NRXN3: variants seen among roughly 807,000 people sequenced by gnomAD.
NRXN3 encodes neurexin III.
A neutral mutation model predicts 137.6 loss-of-function variants in NRXN3; 32 were observed. The observed-to-expected ratio is 0.23, with a 90% CI of 0.18 to 0.31. NRXN3 has a LOEUF of 0.31. Ranked by LOEUF, NRXN3 falls within the 10% of genes least tolerant of loss-of-function variation. NRXN3 has a pLI of 1.00. For synonymous variants in NRXN3, 798 were observed against 784.5 expected, an observed-to-expected ratio of 1.02 and a Z score of -0.29; for missense variants, 1,574 against 2,062.5, an observed-to-expected ratio of 0.76 and a Z score of 4.59.
At chr14:79,841,602 C>A (rs1404677608) in intron 20 of NRXN3, among the ~76,000 whole-genome samples, 1 of 152,210 alleles carries the variant, frequency 6.6e-6, no homozygotes, top group Non-Finnish European at 1.5e-5. Flanking sequence ...GATAACCAAG[C>A]ATGCTTTCAC....
chr14:78,224,828 G>A (rs183023089), intron 1 of NRXN3, among the ~76,000 whole-genome samples: 2,687 of 140,156 alleles, frequency 0.019, 92 homozygotes, highest in African/African-American at 0.067. Context: ...CTGCAGTGGC[G>A]CAATCTCGGC....
chr14:79,821,422 C>T (rs1299606060), intron 20 of NRXN3, among the ~76,000 whole-genome samples: 1 of 152,118 alleles, frequency 6.6e-6, no homozygotes, highest in Non-Finnish European at 1.5e-5. Flanking sequence ...GAGAACATGC[C>T]CTCATTTAAA....
Position 78,609,013 on chromosome 14 carries a change from C to T in NRXN3, c.758-36107C>T, listed in dbSNP as rs576961922. Among the ~76,000 whole-genome samples the T allele has an allele frequency of 3.4e-4, 52 of 152,156 alleles. 1 individual carries two copies. The highest frequency in any genetic ancestry group is 1.1e-3 in the African/African-American group (45 of 41,486). ...GGAAGCTATGGGTGGGTTAATACTA[C>T]GGGCATTAAGTATGCTTTGGGAGGG... On this transcript the variant is annotated intron_variant, in intron 4 of 20. Coordinates refer to ENST00000335750, the MANE Select transcript of NRXN3 (RefSeq NM_001330195.2).
intron 8 of NRXN3, among the ~76,000 whole-genome samples, chr14:78,725,599 T>C (rs1213187325): frequency 6.6e-6 from 1 of 152,240 alleles, no homozygotes; most frequent in Non-Finnish European, 1.5e-5. Flanking sequence ...GTCAAGGCTA[T>C]ATTGAGAGTA....
chr14:79,806,696 TA>T (rs1012591027), intron 20 of NRXN3, among the ~76,000 whole-genome samples: 10 of 150,698 alleles, frequency 6.6e-5, no homozygotes, highest in African/African-American at 2.0e-4. Flanking sequence ...AATATATCTC[TA>T]GATTTGAGTC....
chr14:79,552,821 G>T (rs780308076), intron 16 of NRXN3, among the ~76,000 whole-genome samples: 18 of 152,104 alleles, frequency 1.2e-4, no homozygotes, highest in Non-Finnish European at 2.5e-4. Context: ...AGTCTCTAAG[G>T]TAATGGCCCT....
At chr14:78,626,831 G>C (rs1172993268) in intron 4 of NRXN3, among the ~76,000 whole-genome samples, 2 of 152,214 alleles carry the variant, frequency 1.3e-5, no homozygotes, top group Non-Finnish European at 2.9e-5. Flanking sequence ...TTATCACTTG[G>C]AATGCCCGTC....
intron 10 of NRXN3, among the ~76,000 whole-genome samples, chr14:78,856,264 G>T (rs1005582111): frequency 2.6e-5 from 4 of 152,106 alleles, no homozygotes; most frequent in African/African-American, 9.7e-5. Context: ...AAGAATGGGG[G>T]CTCCTAAAAG....
At chr14:79,034,539 C>T (rs761307577) in intron 15 of NRXN3, among the ~76,000 whole-genome samples, 4 of 152,168 alleles carry the variant, frequency 2.6e-5, no homozygotes, top group African/African-American at 9.6e-5. Context: ...GCCCTTGCTC[C>T]GCACTTGGGA....
chr14:78,238,762 A>G (rs1348727002), intron 1 of NRXN3, among the ~76,000 whole-genome samples: 1 of 152,116 alleles, frequency 6.6e-6, no homozygotes, highest in Non-Finnish European at 1.5e-5. Flanking sequence ...AGCCTTTTTG[A>G]TCCCCCACAA....
At chr14:78,226,002 T>G (rs2064600618) in intron 1 of NRXN3, among the ~76,000 whole-genome samples, 1 of 150,630 alleles carries the variant, frequency 6.6e-6, no homozygotes, top group Non-Finnish European at 1.5e-5. Flanking sequence ...TGTGTGTGTG[T>G]GTGTGTGTGT....
At chr14:78,704,222 C>T (rs956067993) in intron 6 of NRXN3, among the ~76,000 whole-genome samples, 1 of 152,204 alleles carries the variant, frequency 6.6e-6, no homozygotes, top group African/African-American at 2.4e-5. Context: ...AATACTCTCT[C>T]TTTTTCCAAT....
At chr14:79,585,694 C>CAAAAAAAAAAAAAAAAAAAAAAAAAA (rs76676582) in intron 16 of NRXN3, among the ~76,000 whole-genome samples, 1 of 114,340 alleles carries the variant, frequency 8.7e-6, no homozygotes, top group African/African-American at 3.2e-5. Flanking sequence ...AAAAAAAAAA[C>CAAAAAAAAAAAAAAAAAAAAAAAAAA]AAAAAAAAAA....
intron 1 of NRXN3, among the ~76,000 whole-genome samples, chr14:78,183,672 G>A (rs2060000961): frequency 1.3e-5 from 2 of 152,198 alleles, no homozygotes; most frequent in Non-Finnish European, 2.9e-5. Flanking sequence ...TCTATGTTCT[G>A]ACTGAAATCT....
At chr14:78,917,304 C>T (rs1323397890) in intron 10 of NRXN3, among the ~76,000 whole-genome samples, 1 of 152,122 alleles carries the variant, frequency 6.6e-6, no homozygotes, top group Non-Finnish European at 1.5e-5. Context: ...CTGGGGCTTA[C>T]TTCAGGAGGG....
chr14:78,884,969 G>A (rs1258238066), intron 10 of NRXN3, among the ~76,000 whole-genome samples: 2 of 151,904 alleles, frequency 1.3e-5, no homozygotes, highest in African/African-American at 4.8e-5. Flanking sequence ...AGTATATATT[G>A]TCTGCTATTA....
At chr14:79,495,766 G>A (rs1311317651) in intron 16 of NRXN3, among the ~76,000 whole-genome samples, 1 of 151,810 alleles carries the variant, frequency 6.6e-6, no homozygotes, top group African/African-American at 2.4e-5. Flanking sequence ...TTTTATTTAG[G>A]TAATAGTATT....
intron 19 of NRXN3, among the ~76,000 whole-genome samples, chr14:79,762,094 C>G (rs1292678589): frequency 1.3e-5 from 2 of 151,572 alleles, no homozygotes; most frequent in African/African-American, 4.9e-5. Context: ...TAGGGGGAAG[C>G]CTCAAAACTG....
At chr14:78,344,157 C>A (rs1372022661) in intron 4 of NRXN3, among the ~76,000 whole-genome samples, 1 of 152,228 alleles carries the variant, frequency 6.6e-6, no homozygotes, top group African/African-American at 2.4e-5. Context: ...AAGCCCACCT[C>A]TCTACTTCTG....
Sources: gnomAD v4.1 joint callset for allele counts (sites outside exome capture counted in the v4.1 genomes callset) on GRCh38, gnomAD v4.1.1 for gene constraint, MANE v1.5 for transcripts, NCBI Gene and HGNC (gene_info 2026-07-23, HGNC 2026-07-21) for gene names.